The following NELL2 variants were observed in gnomAD, a reference collection of about 807,000 sequenced individuals.
NELL2 encodes neural EGFL like 2, also known as protein kinase C-binding protein NELL2.
A neutral mutation model predicts 109.6 loss-of-function variants in NELL2; 41 were observed. That is an observed-to-expected ratio of 0.37 (90% CI 0.29 to 0.49). NELL2 has a LOEUF of 0.49. Ranked by LOEUF, NELL2 falls within the 20% of genes least tolerant of loss-of-function variation. The pLI, the probability that NELL2 is intolerant of heterozygous loss-of-function variation, is 0.98. For missense variants in NELL2, 900 were observed against 1,008.3 expected (o/e 0.89, Z 1.45); for synonymous variants, 355 against 344.7 (o/e 1.03, Z -0.33).
At chr12:44,574,702 C>A (rs1034388818) in intron 15 of NELL2, among the ~76,000 whole-genome samples, 5 of 151,928 alleles carry the variant, frequency 3.3e-5, no homozygotes, top group African/African-American at 1.2e-4. Flanking sequence ...GCAAAAATAC[C>A]ATTTGAATTA....
At chr12:44,552,896 G>T (rs1943095574) in intron 15 of NELL2, among the ~76,000 whole-genome samples, 1 of 151,966 alleles carries the variant, frequency 6.6e-6, no homozygotes, top group Admixed American at 6.6e-5. Flanking sequence ...TCATCTCTGA[G>T]ATTTTATTTG....
At chr12:44,701,197 T>C (rs1398046508) in intron 12 of NELL2, among the ~76,000 whole-genome samples, 1 of 152,020 alleles carries the variant, frequency 6.6e-6, no homozygotes, top group African/African-American at 2.4e-5. Context: ...ATAAGAATTA[T>C]TCAAATCCTG....
chr12:44,784,980 G>C (rs766135445), intron 3 of NELL2, among the ~76,000 whole-genome samples: 6 of 152,176 alleles, frequency 3.9e-5, no homozygotes, highest in African/African-American at 4.8e-5. Context: ...ACAAGACAAG[G>C]ATGCCCTCTC....
At chr12:44,565,113 G>A (rs1029000299) in intron 15 of NELL2, among the ~76,000 whole-genome samples, 1 of 152,092 alleles carries the variant, frequency 6.6e-6, no homozygotes, top group Non-Finnish European at 1.5e-5. Flanking sequence ...TGATCTGTGT[G>A]TGCCTTAAAG....
intron 9 of NELL2, among the ~76,000 whole-genome samples, chr12:44,735,146 A>T (rs1939573916): frequency 2.0e-5 from 3 of 152,072 alleles, no homozygotes; most frequent in Admixed American, 2.0e-4. Flanking sequence ...TTCCTTGAAG[A>T]TATACTGATT....
At chr12:44,732,740 G>T (rs1417692296) in intron 9 of NELL2, among the ~76,000 whole-genome samples, 1 of 152,064 alleles carries the variant, frequency 6.6e-6, no homozygotes, top group South Asian at 2.1e-4. Flanking sequence ...TACAGTAGAG[G>T]AAACACTCAA....
intron 3 of NELL2, among the ~76,000 whole-genome samples, chr12:44,791,150 T>C (rs865856116): frequency 1.5e-3 from 82 of 53,522 alleles, no homozygotes; most frequent in South Asian, 2.2e-3. Flanking sequence ...CGCACACACA[T>C]ACACACACAC....
intron 15 of NELL2, among the ~76,000 whole-genome samples, chr12:44,570,361 T>C (rs1013579301): frequency 2.6e-5 from 4 of 152,186 alleles, no homozygotes; most frequent in African/African-American, 9.6e-5. Context: ...CCTGTTAACA[T>C]TTCTTTGTTG....
chr12:44,901,233 G>A (rs115435948), intron 1 of NELL2, among the ~76,000 whole-genome samples: 3,878 of 152,076 alleles, frequency 0.026, 168 homozygotes, highest in African/African-American at 0.085. Context: ...CACTTATCCC[G>A]TAGAAATACA....
At chr12:44,521,715 A>G (rs1020027940) in intron 18 of NELL2, among the ~76,000 whole-genome samples, 1 of 152,072 alleles carries the variant, frequency 6.6e-6, no homozygotes, top group African/African-American at 2.4e-5. Flanking sequence ...GGAATGGGGA[A>G]GCTAGGAGAG....
At chr12:44,667,398 T>G (rs894843017) in intron 12 of NELL2, among the ~76,000 whole-genome samples, 1 of 152,216 alleles carries the variant, frequency 6.6e-6, no homozygotes, top group South Asian at 2.1e-4. Flanking sequence ...AAGGGACAGA[T>G]AGTAAATTTT....
At chr12:44,818,910 T>C (rs920710411) in intron 2 of NELL2, among the ~76,000 whole-genome samples, 5 of 150,854 alleles carry the variant, frequency 3.3e-5, no homozygotes, top group African/African-American at 7.3e-5. Context: ...GCCCAGCTAA[T>C]TTTTTGTATT....
intron 9 of NELL2, among the ~76,000 whole-genome samples, chr12:44,756,640 C>T (rs1592470410): frequency 6.6e-6 from 1 of 152,278 alleles, no homozygotes; most frequent in Admixed American, 6.5e-5. Context: ...GTCCTCTTAG[C>T]ACCTTCTGCT....
chr12:44,850,567 CAA>C (rs1944504513), intron 2 of NELL2, among the ~76,000 whole-genome samples: 1 of 152,030 alleles, frequency 6.6e-6, no homozygotes, highest in African/African-American at 2.4e-5. Flanking sequence ...ATTTATCAAA[CAA>C]GACATCAATG....
At chr12:44,739,905 C>CA (rs1218289963) in intron 9 of NELL2, among the ~76,000 whole-genome samples, 2 of 151,622 alleles carry the variant, frequency 1.3e-5, no homozygotes, top group African/African-American at 2.4e-5. Context: ...ACAACAACAA[C>CA]AAAAAAAACA....
At chr12:44,901,533 TC>T (rs1945660981) in intron 1 of NELL2, among the ~76,000 whole-genome samples, 1 of 152,170 alleles carries the variant, frequency 6.6e-6, no homozygotes, top group African/African-American at 2.4e-5. Flanking sequence ...GAGGGACTCC[TC>T]CCTAACTCAT....
At chr12:44,572,713 A>G (rs1223903624) in intron 15 of NELL2, among the ~76,000 whole-genome samples, 3 of 152,196 alleles carry the variant, frequency 2.0e-5, no homozygotes, top group Non-Finnish European at 2.9e-5. Context: ...ACAACAGCAC[A>G]TATTCTAGCA....
At chr12:44,802,629 T>C (rs1305956134) in intron 3 of NELL2, among the ~76,000 whole-genome samples, 2 of 152,078 alleles carry the variant, frequency 1.3e-5, no homozygotes, top group Admixed American at 6.6e-5. Context: ...AGAAAAAATA[T>C]AGCATTTAAT....
At chr12:44,569,476 T>C (rs1328981147) in intron 15 of NELL2, among the ~76,000 whole-genome samples, 1 of 152,144 alleles carries the variant, frequency 6.6e-6, no homozygotes, top group Non-Finnish European at 1.5e-5. Flanking sequence ...GCCACAATGG[T>C]TGAACTAATT....
Sources: gnomAD v4.1 joint callset for allele counts (sites outside exome capture counted in the v4.1 genomes callset) on GRCh38, gnomAD v4.1.1 for gene constraint, MANE v1.5 for transcripts, NCBI Gene and HGNC (gene_info 2026-07-23, HGNC 2026-07-21) for gene names.